The following KLF12 variants were observed in gnomAD, a reference collection of about 807,000 sequenced individuals.
The protein encoded by KLF12 is Krueppel-like factor 12.
In KLF12, 9 loss-of-function variants were observed where a neutral mutation model predicts 37.8. The observed-to-expected ratio is 0.24, with a 90% confidence interval of 0.14 to 0.42. The LOEUF is 0.42. Ranked by LOEUF, KLF12 falls within the 10% of genes least tolerant of loss-of-function variation. The probability of loss-of-function intolerance (pLI) is 1.00; values close to 1 mark genes in which losing one functional copy is unlikely to be tolerated. For missense variants in KLF12, 411 were observed against 516.0 expected (o/e 0.80, Z 1.97); for synonymous variants, 208 against 202.1 (o/e 1.03, Z -0.25).
chr13:74,269,514 A>G, the KLF12 span, among the ~76,000 whole-genome samples: 48 of 152,332 alleles, frequency 3.2e-4, no homozygotes, highest in African/African-American at 1.1e-3. Flanking sequence ...AGATTTGTAT[A>G]TAATGGGACT....
intron 6 of KLF12, among the ~76,000 whole-genome samples, chr13:73,726,676 A>G (rs1387578121): frequency 6.6e-6 from 1 of 152,168 alleles, no homozygotes; most frequent in African/African-American, 2.4e-5. Context: ...TGGACATCAC[A>G]TTTAGTTTAT....
In KLF12 at chr13:73,692,506, G is replaced by A. The variant is rs946178658; in HGVS notation, c.*2984C>T. 6.6e-6 allele frequency: 1 copy of A among 152,572 alleles called. No individual in the cohort carries two copies. Among genetic ancestry groups the A allele is most frequent in the Non-Finnish European group, 1.5e-5 (1 of 68,028 alleles). 9.5% of individuals were successfully genotyped at this position (152,572 alleles called of 1,614,324 possible). A position where few individuals can be genotyped will look rare whatever the true frequency, so the allele number is the denominator to read the frequency against. ...AAAATCAAAGAATGCTTCTAGTTAC[G>A]GAACAACTGTTATGTCCTTTAGGAT... On this transcript the variant is annotated 3_prime_UTR_variant, in exon 8 of 8. Coordinates refer to ENST00000377669, the MANE Select transcript of KLF12 (RefSeq NM_007249.5).
At chr13:74,221,332 G>T in the KLF12 span, among the ~76,000 whole-genome samples, 1 of 152,042 alleles carries the variant, frequency 6.6e-6, no homozygotes, top group African/African-American at 2.4e-5. Context: ...TAAAAATAAG[G>T]TTATACTTTA....
intron 6 of KLF12, among the ~76,000 whole-genome samples, chr13:73,740,298 G>A (rs1877878680): frequency 2.0e-5 from 3 of 152,106 alleles, no homozygotes; most frequent in Admixed American, 2.0e-4. Flanking sequence ...CAGAAAAGCA[G>A]GCCCTTACCA....
intron 4 of KLF12, among the ~76,000 whole-genome samples, chr13:73,839,730 T>C (rs910173323): frequency 6.6e-6 from 1 of 152,220 alleles, no homozygotes; most frequent in African/African-American, 2.4e-5. Context: ...TATTGTACTG[T>C]GAACACACCT....
chr13:74,260,618 T>TA, the KLF12 span, among the ~76,000 whole-genome samples: 13 of 111,498 alleles, frequency 1.2e-4, 1 homozygote, highest in African/African-American at 7.4e-4. Flanking sequence ...TAAAATAAAA[T>TA]AAAATAAAAT....
At chr13:74,091,315 A>G (rs986283673) in intron 1 of KLF12, among the ~76,000 whole-genome samples, 1 of 152,242 alleles carries the variant, frequency 6.6e-6, no homozygotes, top group Non-Finnish European at 1.5e-5. Context: ...TGACTTGGCA[A>G]TGATTTTTAG....
At chr13:73,984,069 G>T (rs1178941741) in intron 2 of KLF12, among the ~76,000 whole-genome samples, 1 of 152,198 alleles carries the variant, frequency 6.6e-6, no homozygotes, top group East Asian at 1.9e-4. Context: ...ACCAACAGAG[G>T]TCTATAATCC....
intron 7 of KLF12, among the ~76,000 whole-genome samples, chr13:73,699,616 C>T (rs192520480): frequency 6.6e-6 from 1 of 152,306 alleles, no homozygotes; most frequent in African/African-American, 2.4e-5. Context: ...TGCCCCACCT[C>T]ACCTCCAGCT....
intron 1 of KLF12, among the ~76,000 whole-genome samples, chr13:74,018,551 AATAC>A (rs1892760585): frequency 6.6e-6 from 1 of 152,228 alleles, no homozygotes. Flanking sequence ...TGTTGTAAAT[AATAC>A]ATACAATTTT....
At chr13:73,910,056 A>G (rs1888496983) in intron 3 of KLF12, among the ~76,000 whole-genome samples, 1 of 152,226 alleles carries the variant, frequency 6.6e-6, no homozygotes, top group Admixed American at 6.5e-5. Context: ...GCAGGAGCTC[A>G]TAGAGATTAC....
chr13:73,851,007 C>T (rs568876566), intron 3 of KLF12, among the ~76,000 whole-genome samples: 2 of 152,266 alleles, frequency 1.3e-5, no homozygotes, highest in Admixed American at 6.5e-5. Flanking sequence ...ATTAGCTGTG[C>T]GATCTTGGTA....
intron 6 of KLF12, among the ~76,000 whole-genome samples, chr13:73,729,118 A>G (rs775259278): frequency 3.3e-5 from 5 of 152,212 alleles, no homozygotes; most frequent in Non-Finnish European, 7.3e-5. Context: ...AGAACTTTTC[A>G]TATCACTAAA....
At chr13:73,863,081 A>G (rs1169830913) in intron 3 of KLF12, among the ~76,000 whole-genome samples, 2 of 152,148 alleles carry the variant, frequency 1.3e-5, no homozygotes, top group Non-Finnish European at 2.9e-5. Context: ...TGATTCCAGC[A>G]GATTTACCAC....
intron 3 of KLF12, among the ~76,000 whole-genome samples, chr13:73,905,163 G>T (rs1888216157): frequency 6.6e-6 from 1 of 151,972 alleles, no homozygotes; most frequent in South Asian, 2.1e-4. Flanking sequence ...GATTTTAGAG[G>T]TATTCTATTC....
intron 6 of KLF12, among the ~76,000 whole-genome samples, chr13:73,733,645 G>C (rs1001317648): frequency 2.6e-5 from 4 of 152,104 alleles, no homozygotes; most frequent in Non-Finnish European, 5.9e-5. Flanking sequence ...ACCAGTATCT[G>C]TTTGGGTCCC....
rs150658942 is a variant in KLF12, at chr13:73,715,760, C to T, written c.870-235G>A. Among the ~76,000 whole-genome samples the T allele has an allele frequency of 2.6e-3, 390 of 152,228 alleles. 1 individual carries two copies. The highest frequency in any genetic ancestry group is 8.8e-3 in the African/African-American group (364 of 41,542). ...GGAGAGAAAGACATGCTTCAAACAA[C>T]AATAACAAAAACTGAAAGTAAATGA... is the stretch of plus-strand genomic sequence containing the variant. On this transcript the variant is annotated intron_variant, in intron 6 of 7. Coordinates refer to ENST00000377669, the MANE Select transcript of KLF12 (RefSeq NM_007249.5).
At chr13:73,980,047 C>T (rs576754340) in intron 2 of KLF12, among the ~76,000 whole-genome samples, 36 of 152,242 alleles carry the variant, frequency 2.4e-4, no homozygotes, top group African/African-American at 8.7e-4. Context: ...GGACTTCTAG[C>T]CCTCAGAAAT....
At chr13:73,852,057 T>C (rs1046429250) in intron 3 of KLF12, among the ~76,000 whole-genome samples, 2 of 152,202 alleles carry the variant, frequency 1.3e-5, no homozygotes, top group African/African-American at 4.8e-5. Context: ...GCTACAAGTA[T>C]AAAAGTCACC....
Sources: gnomAD v4.1 joint callset for allele counts (sites outside exome capture counted in the v4.1 genomes callset) on GRCh38, gnomAD v4.1.1 for gene constraint, MANE v1.5 for transcripts, NCBI Gene and HGNC (gene_info 2026-07-23, HGNC 2026-07-21) for gene names.